RFC1: variants seen among roughly 807,000 people sequenced by gnomAD.
RFC1 encodes the protein A1 140 kDa subunit.
Under a neutral mutation model 137.4 loss-of-function variants are expected in RFC1, and 37 were observed. That is an observed-to-expected ratio of 0.27 (90% CI 0.21 to 0.35). The LOEUF (loss-of-function observed/expected upper bound fraction) is 0.35, where lower values mean the gene tolerates loss of function less well. Among genes scored for constraint, RFC1 ranks in the 10% least tolerant of loss-of-function variants. RFC1 has a pLI of 1.00. For synonymous variants in RFC1, 429 were observed against 455.7 expected (o/e 0.94, Z 0.75); for missense variants, 1,205 against 1,358.5 (o/e 0.89, Z 1.78).
intron 4 of RFC1, among the ~76,000 whole-genome samples, chr4:39,337,753 T>G (rs1246792551): frequency 6.6e-6 from 1 of 152,162 alleles, no homozygotes; most frequent in African/African-American, 2.4e-5. Flanking sequence ...AAGAGAATGT[T>G]ACACACATCC....
chr4:39,326,113 T>C (rs1478171664), intron 6 of RFC1, among the ~76,000 whole-genome samples: 2 of 152,078 alleles, frequency 1.3e-5, no homozygotes, highest in Admixed American at 6.6e-5. Flanking sequence ...GGCAGGAGAA[T>C]CACTTGATTC....
At chr4:39,312,073 T>C (rs1738986540) in intron 11 of RFC1, among the ~76,000 whole-genome samples, 1 of 152,176 alleles carries the variant, frequency 6.6e-6, no homozygotes, top group Non-Finnish European at 1.5e-5. Flanking sequence ...TGAAATTCTA[T>C]AAGACATGTT....
chr4:39,298,427 T>A (rs1399290053), intron 21 of RFC1, among the ~76,000 whole-genome samples: 1 of 152,180 alleles, frequency 6.6e-6, no homozygotes, highest in African/African-American at 2.4e-5. Context: ...AGCGTCTTAC[T>A]TATTTTATTA....
intron 14 of RFC1, 53 bp downstream of exon 14, chr4:39,306,539 A>G: frequency 2.1e-6 from 2 of 948,312 alleles, no homozygotes; most frequent in East Asian, 2.4e-5. Flanking sequence ...TTTATCTCCT[A>G]GCCATGACCA....
At chr4:39,308,491 T>C in intron 13 of RFC1, 145 bp downstream of exon 13, 3 of 1,099,714 alleles carry the variant, frequency 2.7e-6, no homozygotes, top group Non-Finnish European at 3.9e-6. Flanking sequence ...CAGCAGGGTC[T>C]AGTACTGCAC....
At chr4:39,358,109 T>C (rs1741572860) in intron 1 of RFC1, among the ~76,000 whole-genome samples, 1 of 151,950 alleles carries the variant, frequency 6.6e-6, no homozygotes, top group Non-Finnish European at 1.5e-5. Context: ...ACCCTGTCTC[T>C]ACTTAAAAAT....
At chr4:39,326,708 G>C in intron 5 of RFC1, 68 bp from the exon 6 acceptor site, 1 of 1,193,116 alleles carries the variant, frequency 8.4e-7, no homozygotes. Context: ...ACTTTTTCTT[G>C]ACTGTTGCTG....
In RFC1 at chr4:39,311,563, A is replaced by G; in HGVS notation, c.1384-14T>C. The G allele has an allele frequency of 6.2e-7, 1 of 1,607,080 alleles. No homozygotes were observed. On this transcript the variant is annotated splice_polypyrimidine_tract_variant and intron_variant, in intron 11 of 24. Transcript: ENST00000349703. The stretch of plus-strand genomic sequence containing the variant: ...CAAGGCTGCGGCCTGTTGATTAAAA[A>G]TGTAAACCATCAAAACTGCATCCTG...
At chr4:39,351,323 G>T in intron 2 of RFC1, 25 bp downstream of exon 2, 7 of 1,244,292 alleles carry the variant, frequency 5.6e-6, no homozygotes, top group South Asian at 3.1e-5. Context: ...TTCATTCAAT[G>T]CAAAATTATA....
chr4:39,316,260 T>TA (rs1739236525), intron 10 of RFC1, among the ~76,000 whole-genome samples: 2 of 152,144 alleles, frequency 1.3e-5, no homozygotes, highest in South Asian at 4.1e-4. Context: ...TTCCTTCTCT[T>TA]AGACAAAAGT....
chr4:39,356,191 G>C (rs1180414827), intron 1 of RFC1, among the ~76,000 whole-genome samples: 2 of 152,010 alleles, frequency 1.3e-5, no homozygotes, highest in Non-Finnish European at 2.9e-5. Flanking sequence ...ACGAGGTCAG[G>C]AGTTCCAGAC....
chr4:39,316,935 C>G lies in RFC1; in HGVS notation c.1183G>C (p.Gly395Arg). ...CTTACCTTTGGTATTTCTTTGGAGCCCAGAGCCTTGGGACCTTCTCGATTT... is the reference window on the plus strand; with the variant it reads ...CTTACCTTTGGTATTTCTTTGGAGCGCAGAGCCTTGGGACCTTCTCGATTT... ...YLNREGPKAL[G>R]SKEIPKGAEN... is the part of the protein sequence containing the mutation. The change falls in exon 10 of 25, where the codon GGC becomes CGC. Residue 395 changes from glycine to arginine, a missense_variant. Physicochemically the swap from Gly to Arg is moderately radical, Grantham distance 125. This residue lies in a region of RFC1 where 962 missense variants were observed against 1,035.3 expected (regional missense o/e 0.93). Coordinates refer to ENST00000349703, the MANE Select transcript of RFC1 (RefSeq NM_002913.5). 1 of 1,613,546 alleles carries G rather than the reference C, an allele frequency of 6.2e-7. No individual in the cohort carries two copies. Among genetic ancestry groups the G allele is most frequent in the African/African-American group, 1.3e-5 (1 of 75,014 alleles).
At chr4:39,323,439 T>G in intron 6 of RFC1, 22 bp from the exon 7 acceptor site, 1 of 1,599,942 alleles carries the variant, frequency 6.3e-7, no homozygotes, top group Non-Finnish European at 8.6e-7. Flanking sequence ...GTCAGCAAAG[T>G]GAGTTGAGTT....
chr4:39,289,814 T>C (rs759118750), intron 24 of RFC1, 34 bp downstream of exon 24: 2 of 1,428,526 alleles, frequency 1.4e-6, no homozygotes, highest in Non-Finnish European at 2.0e-6. Context: ...ATCATCTATT[T>C]TGAGGTTCTC....
At chr4:39,358,371 T>C (rs1741587260) in intron 1 of RFC1, among the ~76,000 whole-genome samples, 1 of 152,250 alleles carries the variant, frequency 6.6e-6, no homozygotes, top group Admixed American at 6.5e-5. Flanking sequence ...AGTGTTTTAA[T>C]AGCTTAGATA....
chr4:39,345,694 G>A (rs1740824632), intron 2 of RFC1, among the ~76,000 whole-genome samples: 1 of 152,024 alleles, frequency 6.6e-6, no homozygotes, highest in African/African-American at 2.4e-5. Flanking sequence ...CTAATTTTTT[G>A]TATTTTTAGT....
intron 4 of RFC1, chr4:39,341,705 C>G (rs1456207244): frequency 2.2e-6 from 1 of 455,660 alleles, no homozygotes; most frequent in African/African-American, 2.0e-5. Context: ...GACTTCACCA[C>G]TAACTTATCT....
chr4:39,293,867 C>CG (rs1560587018), intron 22 of RFC1, among the ~76,000 whole-genome samples: 1 of 152,162 alleles, frequency 6.6e-6, no homozygotes, highest in African/African-American at 2.4e-5. Context: ...AAGAGGCAGC[C>CG]GCAGCCTTGC....
At chr4:39,359,878 G>T (rs924449623) in intron 1 of RFC1, among the ~76,000 whole-genome samples, 4 of 151,710 alleles carry the variant, frequency 2.6e-5, no homozygotes, top group Admixed American at 6.6e-5. Context: ...GAAACGGTGG[G>T]AAGGAAGTGA....
Sources: allele counts gnomAD v4.1 joint callset (sites outside exome capture counted in the v4.1 genomes callset), GRCh38; gene constraint gnomAD v4.1.1; regional missense constraint gnomAD v4.1.1; transcripts MANE v1.5; gene names NCBI Gene and HGNC (gene_info 2026-07-23, HGNC 2026-07-21).